The following AKAP12 variants were observed in gnomAD, a reference collection of about 807,000 sequenced individuals.
AKAP12 encodes the protein A-kinase anchoring protein 12, also known as A-kinase anchor protein 12.
Under a neutral mutation model 79.9 loss-of-function variants are expected in AKAP12, and 32 were observed. The observed-to-expected ratio is 0.40, with a 90% CI of 0.30 to 0.54. The LOEUF is 0.54. AKAP12 is among the 20% of genes least tolerant of loss of function. AKAP12 has a pLI of 0.48. For synonymous variants in AKAP12, 808 were observed against 857.0 expected (o/e 0.94, Z 1.00); for missense variants, 2,074 against 2,177.0 (o/e 0.95, Z 0.94).
At chr6:151,331,857 C>T (rs1777677008) in intron 3 of AKAP12, among the ~76,000 whole-genome samples, 1 of 146,370 alleles carries the variant, frequency 6.8e-6, no homozygotes, top group Admixed American at 7.0e-5. Flanking sequence ...CGCACTCCAG[C>T]CTGGACGACA....
intron 3 of AKAP12, chr6:151,341,722 C>A: frequency 1.6e-6 from 2 of 1,269,938 alleles, no homozygotes; most frequent in Non-Finnish European, 2.0e-6. Flanking sequence ...CAGTTCGCCC[C>A]GCAGCGATGG....
intron 3 of AKAP12, among the ~76,000 whole-genome samples, chr6:151,312,050 CA>C (rs1278343119): frequency 6.6e-6 from 1 of 152,146 alleles, no homozygotes; most frequent in Non-Finnish European, 1.5e-5. Flanking sequence ...ATTGTGACAT[CA>C]TTGGTATCTT....
chr6:151,254,128 T>G (rs961185885), intron 2 of AKAP12, among the ~76,000 whole-genome samples: 10 of 152,204 alleles, frequency 6.6e-5, no homozygotes, highest in Non-Finnish European at 1.0e-4. Context: ...AATAAGCTAT[T>G]GAAAAGCAGT....
At chr6:151,312,475 C>CAAAAAAAAAAAAAAAAAAAAAAA (rs1777127028) in intron 3 of AKAP12, among the ~76,000 whole-genome samples, 1 of 150,796 alleles carries the variant, frequency 6.6e-6, no homozygotes, top group African/African-American at 2.4e-5. Flanking sequence ...GACCCTGTCT[C>CAAAAAAAAAAAAAAAAAAAAAAA]AAAAAATAAA....
At chr6:151,340,826 C>T (rs373604402) in intron 3 of AKAP12, among the ~76,000 whole-genome samples, 4 of 152,138 alleles carry the variant, frequency 2.6e-5, no homozygotes, top group African/African-American at 4.8e-5. Flanking sequence ...TTTTGCAGAA[C>T]GTCCTTCATT....
chr6:151,273,122 T>C (rs149952296), intron 2 of AKAP12, among the ~76,000 whole-genome samples: 1,968 of 152,060 alleles, frequency 0.013, 44 homozygotes, highest in African/African-American at 0.045. Flanking sequence ...GTAGCCAGGA[T>C]GGTCTGGATC....
intron 2 of AKAP12, among the ~76,000 whole-genome samples, chr6:151,287,630 G>C (rs58680234): frequency 0.13 from 20,144 of 152,210 alleles, 1,916 homozygotes; most frequent in Admixed American, 0.31. Context: ...GTATAAATTA[G>C]TCAACCATTG....
chr6:151,323,864 A>G (rs892083272), intron 3 of AKAP12: 4 of 985,356 alleles, frequency 4.1e-6, no homozygotes, highest in Non-Finnish European at 4.8e-6. Flanking sequence ...GTTGTCCCCA[A>G]CCACTGGTGC....
chr6:151,251,261 C>T lies in AKAP12; in HGVS notation c.162+10537C>T, dbSNP rs1006687362. The stretch of plus-strand genomic sequence containing the variant: ...TGCAGAGGCAATAGAGAGCCACTGC[C>T]GGCTTTTGACAATGAACAAAACAAA... On this transcript the variant is annotated intron_variant, in intron 2 of 4. Coordinates refer to ENST00000402676, the MANE Select transcript of AKAP12 (RefSeq NM_005100.4). Among the ~76,000 whole-genome samples, 14 of 152,276 alleles carry T rather than the reference C, an allele frequency of 9.2e-5. 1 individual carries two copies. Among genetic ancestry groups the T allele is most frequent in the South Asian group, 4.2e-4 (2 of 4,812 alleles).
At chr6:151,327,037 G>T (rs910897296) in intron 3 of AKAP12, among the ~76,000 whole-genome samples, 1 of 151,558 alleles carries the variant, frequency 6.6e-6, no homozygotes, top group Non-Finnish European at 1.5e-5. Context: ...GGATGGTCTC[G>T]ATCTCTTGAC....
rs1777508399 is a variant in AKAP12 at position 151,325,767 on chromosome 6, A to T, written c.319+19864A>T. On this transcript the variant is annotated intron_variant, in intron 3 of 4. Coordinates refer to ENST00000402676, the MANE Select transcript of AKAP12 (RefSeq NM_005100.4). ...CTCAGTCCGCTCTGATCCCGCCGAA[A>T]CCACCTGCGGTTGGCAGGCAGGAGA... 6 of 1,605,862 alleles carry T rather than the reference A, an allele frequency of 3.7e-6. No individual in the cohort carries two copies. In the South Asian group the frequency reaches 5.6e-5, roughly 15 times the overall value.
At position 151,241,940 on chromosome 6, in the gene AKAP12, C is replaced by T. The variant is rs79609495; in HGVS notation, c.162+1216C>T. ...CTGTTAATAATATAGTTTTTACCGC[C>T]AGTCTTTGATTCATAACTACTTGTA... On this transcript the variant is annotated intron_variant, in intron 2 of 4. Coordinates refer to ENST00000402676, the MANE Select transcript of AKAP12 (RefSeq NM_005100.4). Among the ~76,000 whole-genome samples, 764 of 152,112 alleles carry T rather than the reference C, an allele frequency of 5.0e-3. 5 individuals carry two copies. The highest frequency in any genetic ancestry group is 0.018 in the African/African-American group (729 of 41,510).
chr6:151,347,007 CTCTTTCTTTT>C (rs1459720177), intron 3 of AKAP12, among the ~76,000 whole-genome samples: 3 of 152,096 alleles, frequency 2.0e-5, no homozygotes, highest in African/African-American at 7.2e-5. Flanking sequence ...TGTCATCATT[CTCTTTCTTTT>C]TCTTTTTCAC....
chr6:151,336,932 A>C (rs572669387), intron 3 of AKAP12, among the ~76,000 whole-genome samples: 41 of 152,260 alleles, frequency 2.7e-4, no homozygotes, highest in African/African-American at 9.1e-4. Flanking sequence ...GGTACAGCTA[A>C]AATTTAAACA....
intron 3 of AKAP12, among the ~76,000 whole-genome samples, chr6:151,345,905 G>GTA (rs1778084040): frequency 7.4e-5 from 3 of 40,372 alleles, no homozygotes; most frequent in African/African-American, 1.3e-4. Flanking sequence ...ATGTGTGTGT[G>GTA]TGTGTGTGTG....
chr6:151,268,561 C>T (rs906220751), intron 2 of AKAP12, among the ~76,000 whole-genome samples: 1 of 152,188 alleles, frequency 6.6e-6, no homozygotes, highest in Non-Finnish European at 1.5e-5. Context: ...GACTTCTAAC[C>T]AAATACCCAT....
At chr6:151,345,920 TGTGTGTGTGTGTGAGAGA>T (rs1419954018) in intron 3 of AKAP12, among the ~76,000 whole-genome samples, 1 of 134,152 alleles carries the variant, frequency 7.5e-6, no homozygotes, top group Non-Finnish European at 1.6e-5. Context: ...TGTGTGTGTG[TGTGTGTGTGTGTGAGAGA>T]GAGAGAGAGA....
chr6:151,325,746 G>T, intron 3 of AKAP12: 4 of 1,576,826 alleles, frequency 2.5e-6, no homozygotes, highest in Non-Finnish European at 3.4e-6. Context: ...TGGGCGCTCA[G>T]TCCGCTCTGA....
At chr6:151,308,393 A>G (rs1316173570) in intron 3 of AKAP12, among the ~76,000 whole-genome samples, 2 of 151,754 alleles carry the variant, frequency 1.3e-5, no homozygotes, top group East Asian at 3.9e-4. Flanking sequence ...TTGTATTTTC[A>G]GTAGAGACAA....
Sources: allele counts gnomAD v4.1 joint callset (sites outside exome capture counted in the v4.1 genomes callset), GRCh38; gene constraint gnomAD v4.1.1; transcripts MANE v1.5; gene names NCBI Gene and HGNC (gene_info 2026-07-23, HGNC 2026-07-21).